Variants in CCL26 observed in about 807,000 individuals in gnomAD.
CCL26 encodes the protein C-C motif chemokine ligand 26, also known as C-C motif chemokine 26.
A neutral mutation model predicts 10.7 loss-of-function variants in CCL26; 10 were observed. The ratio of observed to expected loss-of-function variants is 0.93; its 90% CI spans 0.57 to 1.58. CCL26 has a LOEUF of 1.58. Among genes scored for constraint, CCL26 ranks in the 40% most tolerant of loss-of-function variants. The probability of loss-of-function intolerance (pLI) is 0.00; values close to 1 mark genes in which losing one functional copy is unlikely to be tolerated. For missense variants in CCL26, 116 were observed against 111.0 expected, an observed-to-expected ratio of 1.05 and a Z score of -0.20; for synonymous variants, 43 against 41.4, an observed-to-expected ratio of 1.04 and a Z score of -0.15.
chr7:75,791,332 C>T (rs1803328168), upstream of CCL26, among the ~76,000 whole-genome samples: 1 of 151,950 alleles, frequency 6.6e-6, no homozygotes, highest in Admixed American at 6.6e-5. Flanking sequence ...CTGAAACTCC[C>T]TCTTGGTACT....
At chr7:75,780,887 G>A (rs546741459) in intron 1 of CCL26, among the ~76,000 whole-genome samples, 15 of 151,992 alleles carry the variant, frequency 9.9e-5, no homozygotes, top group East Asian at 3.9e-4. Flanking sequence ...CTCACACCCC[G>A]TCCGGCTTAC....
At position 75,783,845 on chromosome 7, in the gene CCL26, G is replaced by A. The variant is rs529737107; in HGVS notation, c.-79+5872C>T. Among the ~76,000 whole-genome samples the A allele has an allele frequency of 2.0e-3, 305 of 151,086 alleles. 2 individuals carry two copies. The highest frequency in any genetic ancestry group is 7.0e-3 in the African/African-American group (289 of 41,096). ...GGTAAAGAACCCAGTCCAGTTCATT[G>A]CCCACTTAGCAGCAACTCTGAGATG... On this transcript the variant is annotated intron_variant, in intron 1 of 3. Transcript: ENST00000394905.
At chr7:75,779,366 C>T (rs1803011496) in intron 1 of CCL26, among the ~76,000 whole-genome samples, 1 of 152,174 alleles carries the variant, frequency 6.6e-6, no homozygotes, top group Non-Finnish European at 1.5e-5. Flanking sequence ...CCCATGTCCT[C>T]CTGCTCTTTG....
At chr7:75,774,789 G>A (rs1362739564), upstream of CCL26, among the ~76,000 whole-genome samples, 2 of 151,926 alleles carry the variant, frequency 1.3e-5, no homozygotes, top group Non-Finnish European at 2.9e-5. Flanking sequence ...ATGGTGGCAT[G>A]TGCACCTGTA....
chr7:75,790,734 A>C (rs903683205), upstream of CCL26, among the ~76,000 whole-genome samples: 5 of 152,090 alleles, frequency 3.3e-5, no homozygotes, highest in Non-Finnish European at 5.9e-5. Flanking sequence ...ACTGGAGGTC[A>C]GGAGTTCAAG....
chr7:75,769,786 G>C lies in CCL26; in HGVS notation c.192C>G (p.Phe64Leu). 1 of 1,592,854 alleles carries C rather than the reference G, an allele frequency of 6.3e-7. No individual in the cohort carries two copies. Among genetic ancestry groups the C allele is most frequent in the African/African-American group, 1.3e-5 (1 of 74,576 alleles). The change falls in exon 3 of 3, where the codon TTC (phenylalanine) becomes TTG (leucine). Residue 64 changes from phenylalanine (F) to leucine (L), a missense_variant. Coordinates refer to ENST00000005180, the MANE Select transcript of CCL26 (RefSeq NM_001371938.1). ...AGACTTTCTTGCCTCTTTTGGTAGTGAATCTGTGAAAAAGAGACACGGATA... is the reference window on the plus strand; with the variant it reads ...AGACTTTCTTGCCTCTTTTGGTAGTCAATCTGTGAAAAAGAGACACGGATA... ...SNSCSQRAVIFTTKRGKKVCT... is the reference protein window; with the variant it reads ...SNSCSQRAVILTTKRGKKVCT...
At chr7:75,782,040 A>C (rs1006537822) in intron 1 of CCL26, among the ~76,000 whole-genome samples, 2 of 152,152 alleles carry the variant, frequency 1.3e-5, no homozygotes, top group Non-Finnish European at 2.9e-5. Flanking sequence ...TGGTCCTCAG[A>C]CCAACCAGCC....
At chr7:75,777,739 A>AAAAAAAAAAAAAAAC (rs1802972956) in intron 1 of CCL26, among the ~76,000 whole-genome samples, 1 of 150,870 alleles carries the variant, frequency 6.6e-6, no homozygotes, top group Non-Finnish European at 1.5e-5. Flanking sequence ...AAAAAAAAAA[A>AAAAAAAAAAAAAAAC]AAAGCAGCAG....
intron 1 of CCL26, among the ~76,000 whole-genome samples, chr7:75,778,590 G>A (rs768582355): frequency 3.4e-5 from 5 of 148,146 alleles, no homozygotes; most frequent in African/African-American, 1.2e-4. Context: ...GTGGTCATTC[G>A]TATGTCTTTG....
chr7:75,776,932 G>A (rs1301531216), upstream of CCL26, among the ~76,000 whole-genome samples: 11 of 152,088 alleles, frequency 7.2e-5, no homozygotes, highest in South Asian at 6.2e-4. Context: ...GCATGTACCC[G>A]TCAGAAACGT....
intron 2 of CCL26, 28 bp from the exon 3 acceptor site, chr7:75,769,817 A>G (rs781954357): frequency 7.3e-6 from 10 of 1,378,812 alleles, no homozygotes; most frequent in South Asian, 2.3e-5. Flanking sequence ...GGATAAGTCA[A>G]TATTGAGACT....
upstream of CCL26, among the ~76,000 whole-genome samples, chr7:75,790,182 T>TTC (rs1554530622): frequency 5.6e-3 from 460 of 81,980 alleles, 7 homozygotes; most frequent in Non-Finnish European, 8.0e-3. Flanking sequence ...TTCCTTCCTT[T>TTC]CTTTCTTTCT....
At position 75,780,377 on chromosome 7, in the gene CCL26, C is replaced by T. The variant is rs182237160; in HGVS notation, c.-78-8123G>A. On this transcript the variant is annotated intron_variant, in intron 1 of 3. Coordinates refer to the CCL26 transcript ENST00000394905. ...TGCCTCCTTCACTATGGACAACCTTCCACCCTCCATTCCTCTCTCTTCTCC... is the reference window on the plus strand; with the variant it reads ...TGCCTCCTTCACTATGGACAACCTTTCACCCTCCATTCCTCTCTCTTCTCC... Among the ~76,000 whole-genome samples the T allele has an allele frequency of 9.7e-4, 147 of 152,210 alleles. 2 individuals are homozygous for T. In the East Asian group the frequency reaches 0.023, roughly 24 times the overall value.
intron 1 of CCL26, among the ~76,000 whole-genome samples, chr7:75,787,459 A>G (rs1046682895): frequency 2.0e-5 from 3 of 152,032 alleles, no homozygotes; most frequent in Admixed American, 2.0e-4. Context: ...CCTGGCTAAC[A>G]TGGTGAAACC....
At chr7:75,787,482 A>C (rs1184008958) in intron 1 of CCL26, among the ~76,000 whole-genome samples, 1 of 151,822 alleles carries the variant, frequency 6.6e-6, no homozygotes, top group Non-Finnish European at 1.5e-5. Flanking sequence ...GTCTGTACTA[A>C]AAATACAAAA....
At chr7:75,778,035 AT>A (rs1554528974) in intron 1 of CCL26, among the ~76,000 whole-genome samples, 1 of 152,108 alleles carries the variant, frequency 6.6e-6, no homozygotes, top group Admixed American at 6.6e-5. Context: ...ATTTATTTCA[AT>A]TACCTTTGAT....
chr7:75,773,018 C>T (rs1417924495), upstream of CCL26, among the ~76,000 whole-genome samples: 2 of 151,916 alleles, frequency 1.3e-5, no homozygotes, highest in Non-Finnish European at 2.9e-5. Flanking sequence ...ATAGAGTAGC[C>T]CAACCTCGAC....
intron 2 of CCL26, among the ~76,000 whole-genome samples, chr7:75,770,378 G>T (rs1348353490): frequency 6.9e-6 from 1 of 145,686 alleles, no homozygotes; most frequent in Non-Finnish European, 1.5e-5. Flanking sequence ...CCTTTATTTT[G>T]TTTTATTTTT....
At chr7:75,772,080 G>A in intron 1 of CCL26, 24 bp downstream of exon 1, 1 of 1,604,076 alleles carries the variant, frequency 6.2e-7, no homozygotes, top group South Asian at 1.1e-5. Context: ...GGAACCCCAG[G>A]AGGGGAATGG....
Sources: allele counts gnomAD v4.1 joint callset (sites outside exome capture counted in the v4.1 genomes callset), GRCh38; gene constraint gnomAD v4.1.1; transcripts MANE v1.5; gene names NCBI Gene and HGNC (gene_info 2026-07-23, HGNC 2026-07-21).